MICAL2: variants seen among roughly 807,000 people sequenced by gnomAD.
MICAL2 encodes microtubule associated monooxygenase, calponin and LIM domain containing 2.
In MICAL2, 77 loss-of-function variants were observed where a neutral mutation model predicts 127.3. The observed-to-expected ratio is 0.60, with a 90% CI of 0.50 to 0.73. The LOEUF (loss-of-function observed/expected upper bound fraction) is 0.73, where lower values mean the gene tolerates loss of function less well. Ranked by LOEUF, MICAL2 falls within the 30% of genes least tolerant of loss-of-function variation. MICAL2 has a pLI of 0.00. For missense variants in MICAL2, 1,351 were observed against 1,434.4 expected (o/e 0.94, Z 0.94); for synonymous variants, 570 against 551.1 (o/e 1.03, Z -0.48).
In MICAL2 at chr11:12,135,835, T is replaced by TA. The variant is rs1284779065; in HGVS notation, c.-148-2554dup. On this transcript the variant is annotated intron_variant, in intron 1 of 27. Coordinates refer to ENST00000683283, the MANE Select transcript of MICAL2 (RefSeq NM_001282663.2). ...GGAGGGGCTGGGATGTGGAGACCCC[T>TA]ACCTGCTGCATGCTGCTGAGGGGTC... is the stretch of plus-strand genomic sequence containing the variant. 5.9e-5 allele frequency among the ~76,000 whole-genome samples: 9 copies of TA among 152,344 alleles called. No homozygotes were observed. The East Asian group carries it at 1.4e-3, about 23-fold the overall frequency.
chr11:12,315,287 C>T (rs1018441078), intron 29 of MICAL2, among the ~76,000 whole-genome samples: 3 of 152,076 alleles, frequency 2.0e-5, no homozygotes, highest in Non-Finnish European at 4.4e-5. Flanking sequence ...TGATTTTAAA[C>T]CTTTCTTCTG....
At chr11:12,155,293 T>A (rs963075230) in intron 2 of MICAL2, among the ~76,000 whole-genome samples, 101 of 152,254 alleles carry the variant, frequency 6.6e-4, no homozygotes, top group African/African-American at 2.3e-3. Context: ...ATTTGCATAC[T>A]CACCACACAT....
At chr11:12,194,888 G>A (rs532762902) in intron 3 of MICAL2, among the ~76,000 whole-genome samples, 2 of 152,328 alleles carry the variant, frequency 1.3e-5, no homozygotes, top group Non-Finnish European at 2.9e-5. Context: ...CAAATGATAT[G>A]TTTAAGATAT....
downstream of MICAL2, among the ~76,000 whole-genome samples, chr11:12,297,151 T>C (rs1590727160): frequency 6.6e-6 from 1 of 152,306 alleles, no homozygotes; most frequent in Non-Finnish European, 1.5e-5. Flanking sequence ...CACAGTGTGC[T>C]TGTTCACATT....
intron 26 of MICAL2, chr11:12,260,732 A>G (rs1485952402): frequency 5.6e-5 from 55 of 985,390 alleles, no homozygotes; most frequent in Non-Finnish European, 6.4e-5. Context: ...ATAGAATTCA[A>G]CTTACAGAAG....
At chr11:12,248,630 C>A (rs1312943921) in intron 21 of MICAL2, among the ~76,000 whole-genome samples, 1 of 152,222 alleles carries the variant, frequency 6.6e-6, no homozygotes, top group African/African-American at 2.4e-5. Context: ...AAGGAGCTTT[C>A]TCTACCCTTG....
intron 30 of MICAL2, among the ~76,000 whole-genome samples, chr11:12,323,788 TG>T (rs1230781944): frequency 6.6e-6 from 1 of 152,214 alleles, no homozygotes; most frequent in Non-Finnish European, 1.5e-5. Flanking sequence ...TTGTGGCTTC[TG>T]TATTTCAGAC....
downstream of MICAL2, among the ~76,000 whole-genome samples, chr11:12,267,948 C>G (rs935978726): frequency 7.9e-5 from 12 of 152,200 alleles, no homozygotes; most frequent in African/African-American, 2.9e-4. Context: ...CAGCAGCTCT[C>G]CAGCTCACTG....
intron 1 of MICAL2, among the ~76,000 whole-genome samples, chr11:12,130,375 G>C (rs755851486): frequency 1.1e-4 from 17 of 152,188 alleles, no homozygotes; most frequent in Non-Finnish European, 1.9e-4. Flanking sequence ...GGCCTGCAGG[G>C]GGCTGAATCA....
At chr11:12,179,379 C>T (rs962054058) in intron 3 of MICAL2, among the ~76,000 whole-genome samples, 2 of 152,152 alleles carry the variant, frequency 1.3e-5, no homozygotes, top group South Asian at 4.1e-4. Context: ...GTACCTCTCA[C>T]CTTCTCCCCA....
At chr11:12,334,076 A>G (rs1407987193) in intron 32 of MICAL2, among the ~76,000 whole-genome samples, 1 of 152,190 alleles carries the variant, frequency 6.6e-6, no homozygotes, top group Non-Finnish European at 1.5e-5. Flanking sequence ...GTTAAGAAGA[A>G]TCTTTTTTTG....
intron 30 of MICAL2, chr11:12,323,873 G>T: frequency 7.9e-7 from 1 of 1,266,698 alleles, no homozygotes. Flanking sequence ...GGTAAGCAGT[G>T]GCTGGGAATC....
At chr11:12,115,865 T>C (rs1215090337) in intron 1 of MICAL2, among the ~76,000 whole-genome samples, 2 of 152,202 alleles carry the variant, frequency 1.3e-5, no homozygotes, top group African/African-American at 4.8e-5. Context: ...CGGTTATACA[T>C]GCAGATAAAG....
At chr11:12,278,451 A>G (rs1266262637) in intron 1 of MICAL2, among the ~76,000 whole-genome samples, 2 of 152,236 alleles carry the variant, frequency 1.3e-5, no homozygotes, top group African/African-American at 4.8e-5. Flanking sequence ...CGGCGTAAAT[A>G]GGTGATAGGA....
At chr11:12,252,675 G>T (rs1861708446) in intron 22 of MICAL2, 2 of 152,346 alleles carry the variant, frequency 1.3e-5, no homozygotes, top group South Asian at 4.1e-4. Context: ...CCCTGAGGAT[G>T]GGCACTGCTA....
intron 17 of MICAL2, among the ~76,000 whole-genome samples, chr11:12,239,988 T>G (rs180891093): frequency 1.2e-4 from 19 of 152,362 alleles, no homozygotes; most frequent in Admixed American, 1.2e-3. Flanking sequence ...TGACTTGGTT[T>G]GCAGCCAGTT....
At chr11:12,294,797 G>GCTCCTCATCCTC (rs1863960063), downstream of MICAL2, 2 of 1,442,282 alleles carry the variant, frequency 1.4e-6, no homozygotes, top group Non-Finnish European at 1.8e-6. Context: ...GCGCCAGGCA[G>GCTCCTCATCCTC]CTCCTCCTCC....
chr11:12,305,305 C>T (rs994767823), intron 29 of MICAL2, among the ~76,000 whole-genome samples: 1 of 152,058 alleles, frequency 6.6e-6, no homozygotes, highest in Non-Finnish European at 1.5e-5. Context: ...CGGGAAGACC[C>T]CCTTATATAA....
rs1011020124 is a variant in MICAL2, at chr11:12,220,608, G to A, written c.1206+150G>A. The A allele has an allele frequency of 4.3e-6, 5 of 1,155,834 alleles. No individual in the cohort carries two copies. In the Admixed American group the frequency reaches 1.0e-4, roughly 24 times the overall value. The allele number at this position is 1,155,834 out of a possible 1,614,324, so 71.6% of individuals were successfully genotyped here. ...CTGCCAAGCCTGTCCCGGCCTCAGAGCCTGTCCTGTTGCTGCACTCAGAGG... is the reference window on the plus strand; with the variant it reads ...CTGCCAAGCCTGTCCCGGCCTCAGAACCTGTCCTGTTGCTGCACTCAGAGG... On this transcript the variant is annotated intron_variant, in intron 9 of 27. Transcript: ENST00000683283.
Sources: allele counts gnomAD v4.1 joint callset (sites outside exome capture counted in the v4.1 genomes callset), GRCh38; gene constraint gnomAD v4.1.1; transcripts MANE v1.5; gene names NCBI Gene and HGNC (gene_info 2026-07-23, HGNC 2026-07-21).